Variants in SLC8A3 observed in about 807,000 individuals in gnomAD.
SLC8A3 encodes the protein sodium/calcium exchanger 3.
In SLC8A3, 37 loss-of-function variants were observed where a neutral mutation model predicts 65.4. The observed-to-expected ratio is 0.57, with a 90% CI of 0.44 to 0.74. The LOEUF is 0.74. Ranked by LOEUF, SLC8A3 falls within the 30% of genes least tolerant of loss-of-function variation. The pLI, the probability that SLC8A3 is intolerant of heterozygous loss-of-function variation, is 0.00. For missense variants in SLC8A3, 1,112 were observed against 1,172.1 expected (o/e 0.95, Z 0.75); for synonymous variants, 461 against 444.5 (o/e 1.04, Z -0.47).
Position 70,068,675 on chromosome 14 carries a change from T to C in SLC8A3, c.1785-7736A>G, listed in dbSNP as rs61977418. Among the ~76,000 whole-genome samples, 1,244 of 152,260 alleles carry C rather than the reference T, an allele frequency of 8.2e-3. 7 individuals are homozygous for C. Among genetic ancestry groups the C allele is most frequent in the Non-Finnish European group, 0.012 (836 of 68,012 alleles). On this transcript the variant is annotated intron_variant, in intron 2 of 6. Transcript: ENST00000356921. ...CTGGGATTACAGGCATAAGTCACCA[T>C]GTCAGGCCTCTTATTTCATTCTTAT... is the stretch of plus-strand genomic sequence containing the variant.
chr14:70,179,185 C>T (rs1882506360), intron 1 of SLC8A3, among the ~76,000 whole-genome samples: 1 of 152,146 alleles, frequency 6.6e-6, no homozygotes, highest in South Asian at 2.1e-4. Context: ...GCCTTAGATG[C>T]CCCCTCTCTG....
intron 2 of SLC8A3, among the ~76,000 whole-genome samples, chr14:70,087,594 T>C (rs765255159): frequency 5.9e-5 from 9 of 152,234 alleles, no homozygotes; most frequent in Non-Finnish European, 1.2e-4. Context: ...CCAACAAATA[T>C]TCAAACTCAT....
At chr14:70,048,553 A>C in intron 6 of SLC8A3, 2 of 662,956 alleles carry the variant, frequency 3.0e-6, no homozygotes, top group Non-Finnish European at 5.5e-6. Context: ...TGCTGAACAC[A>C]CATGGTGTCT....
intron 2 of SLC8A3, among the ~76,000 whole-genome samples, chr14:70,131,145 G>A (rs576461880): frequency 4.6e-5 from 7 of 152,184 alleles, no homozygotes; most frequent in Admixed American, 6.5e-5. Context: ...GAGAACATGG[G>A]AGAAAGAGAC....
chr14:70,136,737 C>A (rs2140251754), intron 2 of SLC8A3, among the ~76,000 whole-genome samples: 1 of 152,222 alleles, frequency 6.6e-6, no homozygotes, highest in East Asian at 1.9e-4. Context: ...AACTGTTTAA[C>A]TTTTTAAGCT....
intron 2 of SLC8A3, among the ~76,000 whole-genome samples, chr14:70,074,111 A>G (rs536801634): frequency 1.1e-3 from 171 of 152,346 alleles, no homozygotes; most frequent in Middle Eastern, 0.01. Context: ...GGCTCCAGGC[A>G]CATAGAAGCC....
At chr14:70,062,342 A>G (rs1888900575) in intron 2 of SLC8A3, among the ~76,000 whole-genome samples, 1 of 152,230 alleles carries the variant, frequency 6.6e-6, no homozygotes, top group Admixed American at 6.5e-5. Flanking sequence ...CACATGCTAC[A>G]TAAAAACGTT....
rs146479649 is a variant in SLC8A3, at chr14:70,109,515, C to T, written c.1785-48576G>A. ...TGTTTCCCAGTCTGGAGTGCAGTGG[C>T]GTAATCTCAGTTCACTGCAACCTCC... is the stretch of plus-strand genomic sequence containing the variant. On this transcript the variant is annotated intron_variant, in intron 2 of 6. Transcript: ENST00000356921. Among the ~76,000 whole-genome samples the T allele has an allele frequency of 1.2e-3, 186 of 151,408 alleles. 1 individual carries two copies. The East Asian group carries it at 0.019, about 15-fold the overall frequency.
At position 70,138,298 on chromosome 14, in the gene SLC8A3, C is replaced by T. The variant is rs146304165; in HGVS notation, c.1784+28341G>A. The stretch of plus-strand genomic sequence containing the variant: ...AAGCTCCGCTGGGCAGGGATTGTAT[C>T]TTCTTTGTTCACTGCTGCATCTTCA... On this transcript the variant is annotated intron_variant, in intron 2 of 6. Coordinates refer to ENST00000356921, the MANE Select transcript of SLC8A3 (RefSeq NM_182932.3). 5.0e-3 allele frequency among the ~76,000 whole-genome samples: 758 copies of T among 152,324 alleles called. 7 individuals carry two copies. The highest frequency in any genetic ancestry group is 0.017 in the African/African-American group (727 of 41,568).
intron 2 of SLC8A3, among the ~76,000 whole-genome samples, chr14:70,129,043 T>C (rs1350850352): frequency 6.6e-6 from 1 of 152,144 alleles, no homozygotes; most frequent in Non-Finnish European, 1.5e-5. Context: ...CCAACACATA[T>C]CTCTTATACT....
chr14:70,131,035 C>G (rs1894793945), intron 2 of SLC8A3, among the ~76,000 whole-genome samples: 2 of 152,148 alleles, frequency 1.3e-5, no homozygotes, highest in Admixed American at 1.3e-4. Context: ...AAGGACAGGA[C>G]CCTCAGGAGC....
chr14:70,050,967 G>T (rs369476649), intron 5 of SLC8A3, 41 bp downstream of exon 5: 11 of 1,308,108 alleles, frequency 8.4e-6, no homozygotes, highest in Non-Finnish European at 1.2e-5. Context: ...CTCAGAGGTT[G>T]CCTGCTTCTC....
intron 2 of SLC8A3, among the ~76,000 whole-genome samples, chr14:70,080,716 G>T (rs961430630): frequency 6.6e-6 from 1 of 152,134 alleles, no homozygotes; most frequent in South Asian, 2.1e-4. Flanking sequence ...AGTTGTACAC[G>T]GGCAGAAAAG....
chr14:70,097,043 C>G (rs996966746), intron 2 of SLC8A3, among the ~76,000 whole-genome samples: 1 of 152,142 alleles, frequency 6.6e-6, no homozygotes, highest in African/African-American at 2.4e-5. Flanking sequence ...GAGGAAGGAG[C>G]TGCAGGACTG....
intron 2 of SLC8A3, among the ~76,000 whole-genome samples, chr14:70,155,392 G>C (rs553044157): frequency 6.6e-6 from 1 of 151,646 alleles, no homozygotes; most frequent in Non-Finnish European, 1.5e-5. Flanking sequence ...ATCCTCCTTC[G>C]CATCCTCTAA....
At chr14:70,170,994 G>A (rs755481695) in intron 1 of SLC8A3, among the ~76,000 whole-genome samples, 2 of 152,210 alleles carry the variant, frequency 1.3e-5, no homozygotes, top group African/African-American at 2.4e-5. Flanking sequence ...CATCAATGAT[G>A]TGCACAAAGG....
chr14:70,175,849 C>T (rs1209472684), intron 1 of SLC8A3, among the ~76,000 whole-genome samples: 1 of 151,918 alleles, frequency 6.6e-6, no homozygotes, highest in Non-Finnish European at 1.5e-5. Flanking sequence ...ATTCTCCTGC[C>T]TCAGCCTCCC....
At chr14:70,060,806 TTG>T in intron 3 of SLC8A3, 28 bp downstream of exon 3, 1 of 1,084,500 alleles carries the variant, frequency 9.2e-7, no homozygotes, top group Non-Finnish European at 1.4e-6. Flanking sequence ...TTCTTTTTTT[TTG>T]TTGTTTTGTT....
intron 2 of SLC8A3, among the ~76,000 whole-genome samples, chr14:70,120,705 G>C (rs749591433): frequency 1.3e-5 from 2 of 152,192 alleles, no homozygotes; most frequent in Non-Finnish European, 2.9e-5. Context: ...ACAATGTCTT[G>C]AGCCTTAGCT....
Sources: gnomAD v4.1 joint callset for allele counts (sites outside exome capture counted in the v4.1 genomes callset) on GRCh38, gnomAD v4.1.1 for gene constraint, MANE v1.5 for transcripts, NCBI Gene and HGNC (gene_info 2026-07-23, HGNC 2026-07-21) for gene names.